Variants in OXR1 observed in about 807,000 individuals in gnomAD.
OXR1 encodes the protein oxidation resistance 1, also known as oxidation resistance protein 1.
Under a neutral mutation model 104.6 loss-of-function variants are expected in OXR1, and 41 were observed. That is an observed-to-expected ratio of 0.39 (90% CI 0.31 to 0.51). The LOEUF is 0.51. Among genes scored for constraint, OXR1 ranks in the 20% least tolerant of loss-of-function variants. OXR1 has a pLI of 0.77. For missense variants in OXR1, 955 were observed against 1,031.9 expected (o/e 0.93, Z 1.02); for synonymous variants, 348 against 348.4 (o/e 1.00, Z 0.01).
chr8:106,571,419 T>A (rs1817462342), intron 3 of OXR1, among the ~76,000 whole-genome samples: 1 of 152,062 alleles, frequency 6.6e-6, no homozygotes, highest in Non-Finnish European at 1.5e-5. Flanking sequence ...GGCCTGACCC[T>A]CATGACCTCA....
intron 2 of OXR1, among the ~76,000 whole-genome samples, chr8:106,417,352 T>C (rs1000696216): frequency 2.6e-5 from 4 of 152,136 alleles, no homozygotes; most frequent in African/African-American, 9.7e-5. Context: ...TAACAGAGAA[T>C]GTACACTTCT....
intron 3 of OXR1, among the ~76,000 whole-genome samples, chr8:106,659,192 C>G (rs1825490069): frequency 6.6e-6 from 1 of 152,192 alleles, no homozygotes; most frequent in Non-Finnish European, 1.5e-5. Context: ...CTCTTGGCCT[C>G]AAGTGATCCT....
intron 3 of OXR1, among the ~76,000 whole-genome samples, chr8:106,565,381 C>A (rs1320529103): frequency 6.6e-6 from 1 of 151,980 alleles, no homozygotes; most frequent in Non-Finnish European, 1.5e-5. Flanking sequence ...TTCACAATTG[C>A]TACAAAGAGA....
Position 106,519,002 on chromosome 8 carries a change from G to A in OXR1, c.83G>A (p.Gly28Asp), listed in dbSNP as rs777083738. 1.3e-6 allele frequency: 2 copies of A among 1,551,588 alleles called. No homozygotes were observed. Among genetic ancestry groups the A allele is most frequent in the East Asian group, 2.4e-5 (1 of 40,932 alleles). ...INAPGFNPLA[G>D]AGKQTPQASK... is the part of the protein sequence containing the mutation. Reference sequence around the variant, plus strand: ...GCTCCAGGGTTCAACCCTTTGGCTGGTGCAGGAAAGCAAACACCACAAGCC... The same window carrying A: ...GCTCCAGGGTTCAACCCTTTGGCTGATGCAGGAAAGCAAACACCACAAGCC... The change falls in exon 3 of 17, where the codon GGT becomes GAT. Residue 28 changes from glycine (G) to aspartate (D), a missense_variant. Around this residue, in one of 2 missense-constraint regions of OXR1, gnomAD observed 849 missense variants for 852.9 expected, o/e 1.00. Coordinates refer to ENST00000517566, the MANE Select transcript of OXR1 (RefSeq NM_001198533.2).
chr8:106,490,629 G>C (rs543844341), intron 2 of OXR1, among the ~76,000 whole-genome samples: 1 of 152,122 alleles, frequency 6.6e-6, no homozygotes, highest in Non-Finnish European at 1.5e-5. Context: ...GTCTCCCAAA[G>C]TGCTGAGATT....
intron 3 of OXR1, among the ~76,000 whole-genome samples, chr8:106,632,541 A>G (rs1822774440): frequency 6.6e-6 from 1 of 152,138 alleles, no homozygotes; most frequent in South Asian, 2.1e-4. Context: ...CTTGTTGGCT[A>G]ATGCTTCTTC....
intron 3 of OXR1, among the ~76,000 whole-genome samples, chr8:106,552,431 C>T (rs1815911779): frequency 6.6e-6 from 1 of 152,104 alleles, no homozygotes; most frequent in African/African-American, 2.4e-5. Flanking sequence ...GCTATGCTTT[C>T]TATTCTTAGG....
At chr8:106,703,307 A>T (rs1413925191) in intron 8 of OXR1, among the ~76,000 whole-genome samples, 1 of 152,188 alleles carries the variant, frequency 6.6e-6, no homozygotes, top group African/African-American at 2.4e-5. Flanking sequence ...GTGGTCAGAG[A>T]ACCAGATATT....
At chr8:106,716,773 TAAAC>T (rs1832305352) in intron 11 of OXR1, among the ~76,000 whole-genome samples, 1 of 152,146 alleles carries the variant, frequency 6.6e-6, no homozygotes, top group South Asian at 2.1e-4. Context: ...TTAGGTTAAA[TAAAC>T]TATATTAATA....
At chr8:106,567,185 A>C (rs1444402525) in intron 3 of OXR1, among the ~76,000 whole-genome samples, 3 of 152,186 alleles carry the variant, frequency 2.0e-5, no homozygotes, top group Middle Eastern at 3.2e-3. Flanking sequence ...AACTTGGTGC[A>C]TTTGGTGCAG....
intron 2 of OXR1, among the ~76,000 whole-genome samples, chr8:106,400,535 TA>T (rs1276186257): frequency 6.7e-6 from 1 of 148,780 alleles, no homozygotes; most frequent in Non-Finnish European, 1.5e-5. Flanking sequence ...TCAAAGGTAT[TA>T]AAATGCTGAT....
rs750814573 is a variant in OXR1 at position 106,713,900 on chromosome 8, A to T, written c.1871A>T (p.Glu624Val). Reference sequence around the variant, plus strand: ...GAAGATACTGGCGAATATACCAGAGAACCTGGATTTATAGTAGTAAAAAAG... The same window carrying T: ...GAAGATACTGGCGAATATACCAGAGTACCTGGATTTATAGTAGTAAAAAAG... ...YAEDTGEYTR[E>V]PGFIVVKKIE... Residue 624 changes from glutamate to valine, a missense_variant, in exon 11 of 17, where the codon GAA becomes GTA. Glu to Val is a moderately radical substitution (Grantham distance 121, BLOSUM62 -2). Around this residue, in one of 2 missense-constraint regions of OXR1, gnomAD observed 849 missense variants for 852.9 expected, o/e 1.00. Coordinates refer to ENST00000517566, the MANE Select transcript of OXR1 (RefSeq NM_001198533.2). 25 of 1,593,318 alleles carry T rather than the reference A, an allele frequency of 1.6e-5. No homozygotes were observed. Among genetic ancestry groups the T allele is most frequent in the Non-Finnish European group, 2.0e-5 (24 of 1,172,838 alleles).
At chr8:106,723,081 C>T (rs1195306477) in intron 11 of OXR1, among the ~76,000 whole-genome samples, 6 of 151,994 alleles carry the variant, frequency 3.9e-5, no homozygotes, top group African/African-American at 1.2e-4. Context: ...CTAGGCCAGG[C>T]GTGGTGGCTC....
chr8:106,333,588 T>C (rs1358865460), intron 1 of OXR1, among the ~76,000 whole-genome samples: 2 of 152,102 alleles, frequency 1.3e-5, no homozygotes, highest in Non-Finnish European at 2.9e-5. Flanking sequence ...ACCTATGTTT[T>C]CTTCTAAGAT....
intron 1 of OXR1, among the ~76,000 whole-genome samples, chr8:106,306,764 A>G (rs973989392): frequency 1.3e-5 from 2 of 152,184 alleles, no homozygotes; most frequent in African/African-American, 4.8e-5. Flanking sequence ...TTCTGGAGTA[A>G]TGGAGATGTT....
chr8:106,586,597 A>T (rs1818650015), intron 3 of OXR1, among the ~76,000 whole-genome samples: 1 of 152,226 alleles, frequency 6.6e-6, no homozygotes, highest in African/African-American at 2.4e-5. Flanking sequence ...TCTTCAATAC[A>T]TGGGTGATAG....
rs968977974 is a variant in OXR1 at position 106,751,738 on chromosome 8, A to G, written c.*797A>G. On this transcript the variant is annotated 3_prime_UTR_variant, in exon 17 of 17. Coordinates refer to ENST00000517566, the MANE Select transcript of OXR1 (RefSeq NM_001198533.2). The stretch of plus-strand genomic sequence containing the variant: ...GTGTAGCTTAGTAAGGCATTAACAT[A>G]AGTACAAAAACTATGAAACAGATGC... 6.6e-6 allele frequency: 1 copy of G among 152,576 alleles called. No individual in the cohort carries two copies. Among genetic ancestry groups the G allele is most frequent in the Non-Finnish European group, 1.5e-5 (1 of 67,960 alleles). 9.5% of individuals were successfully genotyped at this position (152,576 alleles called of 1,614,324 possible).
intron 3 of OXR1, among the ~76,000 whole-genome samples, chr8:106,563,993 T>C (rs576944402): frequency 6.6e-6 from 1 of 152,130 alleles, no homozygotes; most frequent in East Asian, 1.9e-4. Context: ...AAAGCAGTGT[T>C]TAGAGGGAAA....
At chr8:106,665,835 A>G (rs1336488287) in intron 3 of OXR1, among the ~76,000 whole-genome samples, 6 of 152,180 alleles carry the variant, frequency 3.9e-5, no homozygotes, top group Non-Finnish European at 7.4e-5. Context: ...ATTTTCTAGC[A>G]GTAAATGGAA....
Sources: allele counts gnomAD v4.1 joint callset (sites outside exome capture counted in the v4.1 genomes callset), GRCh38; gene constraint gnomAD v4.1.1; regional missense constraint gnomAD v4.1.1; transcripts MANE v1.5; gene names NCBI Gene and HGNC (gene_info 2026-07-23, HGNC 2026-07-21).